UST: variants seen among roughly 807,000 people sequenced by gnomAD.
The protein encoded by UST is uronyl 2-sulfotransferase, also known as chondroitin sulfate 2-O-sulfotransferase.
In UST, 21 loss-of-function variants were observed where a neutral mutation model predicts 45.6. That is an observed-to-expected ratio of 0.46 (90% CI 0.33 to 0.66). The LOEUF is 0.66. Ranked by LOEUF, UST falls within the 30% of genes least tolerant of loss-of-function variation. The pLI is 0.02. For missense variants in UST, 463 were observed against 512.4 expected (o/e 0.90, Z 0.93); for synonymous variants, 215 against 200.6 (o/e 1.07, Z -0.61).
chr6:148,829,053 G>C (rs973557014), intron 1 of UST, among the ~76,000 whole-genome samples: 1 of 152,182 alleles, frequency 6.6e-6, no homozygotes, highest in African/African-American at 2.4e-5. Flanking sequence ...CTTGGAGTAA[G>C]AAGTGGAAAA....
intron 3 of UST, among the ~76,000 whole-genome samples, chr6:148,946,513 A>C (rs2114929542): frequency 7.2e-6 from 1 of 139,656 alleles, no homozygotes; most frequent in South Asian, 2.4e-4. Flanking sequence ...TCCATCTCAA[A>C]AAAAAAAAAA....
chr6:149,001,113 C>T (rs1321220891), intron 5 of UST, among the ~76,000 whole-genome samples: 6 of 150,732 alleles, frequency 4.0e-5, no homozygotes, highest in Admixed American at 6.6e-5. Flanking sequence ...GCTCTGTCAC[C>T]CAGGCTGGGG....
intron 5 of UST, among the ~76,000 whole-genome samples, chr6:148,996,435 T>C (rs1440862453): frequency 6.6e-6 from 1 of 152,196 alleles, no homozygotes; most frequent in East Asian, 1.9e-4. Flanking sequence ...GCCAAGCTGG[T>C]CTTGAACTCC....
intron 7 of UST, among the ~76,000 whole-genome samples, chr6:149,051,737 G>A (rs1776491087): frequency 6.6e-6 from 1 of 152,114 alleles, no homozygotes; most frequent in African/African-American, 2.4e-5. Flanking sequence ...CTATTGCAGT[G>A]GCGATGGGGG....
intron 5 of UST, among the ~76,000 whole-genome samples, chr6:149,013,132 G>A (rs555353928): frequency 9.9e-5 from 15 of 152,276 alleles, no homozygotes; most frequent in East Asian, 9.6e-4. Context: ...TCTCTCTGCC[G>A]TTCATGAAAG....
chr6:148,895,255 A>G (rs1263786330), intron 2 of UST, among the ~76,000 whole-genome samples: 1 of 151,978 alleles, frequency 6.6e-6, no homozygotes, highest in African/African-American at 2.4e-5. Flanking sequence ...AATTTCTTCT[A>G]TTTAAAATTC....
intron 1 of UST, among the ~76,000 whole-genome samples, chr6:148,859,151 T>C (rs1280923921): frequency 2.0e-5 from 3 of 152,112 alleles, no homozygotes; most frequent in Non-Finnish European, 2.9e-5. Flanking sequence ...CACATCCTCT[T>C]CAGCACCTGT....
At chr6:148,896,143 A>G (rs1779124852) in intron 2 of UST, among the ~76,000 whole-genome samples, 1 of 152,232 alleles carries the variant, frequency 6.6e-6, no homozygotes, top group Non-Finnish European at 1.5e-5. Context: ...TCTGGATCCA[A>G]AAGTCCCCAT....
chr6:149,023,875 C>T (rs1302686307), intron 7 of UST, among the ~76,000 whole-genome samples: 2 of 152,116 alleles, frequency 1.3e-5, no homozygotes, highest in African/African-American at 4.8e-5. Flanking sequence ...AAATTATGGG[C>T]CTTTATTCCG....
At chr6:148,767,327 G>C (rs1776341897) in intron 1 of UST, among the ~76,000 whole-genome samples, 1 of 152,170 alleles carries the variant, frequency 6.6e-6, no homozygotes, top group Admixed American at 6.5e-5. Flanking sequence ...ACCCTTGTAT[G>C]ATTTCAAGTT....
At chr6:149,017,247 G>A (rs1775914018) in intron 5 of UST, among the ~76,000 whole-genome samples, 1 of 151,976 alleles carries the variant, frequency 6.6e-6, no homozygotes, top group Admixed American at 6.6e-5. Context: ...TGTGGTGGCG[G>A]GCACCTGTAG....
rs563721034 is a variant in UST at position 149,057,724 on chromosome 6, A to G, written c.938-16109A>G. On this transcript the variant is annotated intron_variant, in intron 7 of 7. Coordinates refer to ENST00000367463, the MANE Select transcript of UST (RefSeq NM_005715.3). ...AAAATGTAATTGGTAATAATTAAAG[A>G]TATAGGAGAAATGGTCATGGTTAGT... Among the ~76,000 whole-genome samples, 4 of 152,348 alleles carry G rather than the reference A, an allele frequency of 2.6e-5. No homozygotes were observed. The South Asian group carries it at 8.3e-4, about 32-fold the overall frequency.
intron 2 of UST, among the ~76,000 whole-genome samples, chr6:148,908,261 G>A (rs182768751): frequency 2.8e-4 from 43 of 152,146 alleles, no homozygotes; most frequent in African/African-American, 8.7e-4. Context: ...GTAAAAATAG[G>A]CTCTCATTAC....
chr6:149,005,057 G>A (rs765069614), intron 5 of UST, among the ~76,000 whole-genome samples: 12 of 151,720 alleles, frequency 7.9e-5, no homozygotes, highest in Non-Finnish European at 1.5e-4. Flanking sequence ...CCAGGCTGGT[G>A]ATCAGATGTC....
At chr6:148,892,307 T>A (rs1040404270) in intron 2 of UST, among the ~76,000 whole-genome samples, 5 of 152,242 alleles carry the variant, frequency 3.3e-5, no homozygotes, top group Non-Finnish European at 7.3e-5. Flanking sequence ...CTGTCAGTTA[T>A]CTTCTTTTTG....
intron 2 of UST, among the ~76,000 whole-genome samples, chr6:148,902,645 C>G (rs1482839853): frequency 6.6e-6 from 1 of 152,114 alleles, no homozygotes; most frequent in African/African-American, 2.4e-5. Context: ...TCCCAAAGTG[C>G]TGGGATTGTA....
chr6:148,952,772 T>C lies in UST; in HGVS notation c.448-1100T>C, dbSNP rs570981612. On this transcript the variant is annotated intron_variant, in intron 3 of 7. Coordinates refer to ENST00000367463, the MANE Select transcript of UST (RefSeq NM_005715.3). ...GAACTATTTCATAAAACATGAAATG[T>C]TGCACTTCTGACATTCATCCAAAGT... is the stretch of plus-strand genomic sequence containing the variant. 2.6e-5 allele frequency among the ~76,000 whole-genome samples: 4 copies of C among 152,336 alleles called. No individual in the cohort carries two copies. In the East Asian group the frequency reaches 7.7e-4, roughly 29 times the overall value.
rs745914052 is a variant in UST, at chr6:148,747,689, G to A, written c.247+12G>A. 1 of 1,585,228 alleles carries A rather than the reference G, an allele frequency of 6.3e-7. No homozygotes were observed. The highest frequency in any genetic ancestry group is 8.6e-7 in the Non-Finnish European group (1 of 1,167,320). ...GCGGCAGTACTTGGGTAAGGAAGCT[G>A]GGCAGGCGCTAGGGCGGCGCCGACA... On this transcript the variant is annotated intron_variant, in intron 1 of 7. Transcript: ENST00000367463.
chr6:149,029,464 AT>A (rs1290000156), intron 7 of UST, among the ~76,000 whole-genome samples: 24 of 144,864 alleles, frequency 1.7e-4, no homozygotes, highest in Non-Finnish European at 2.8e-4. Flanking sequence ...TACATTATAT[AT>A]TATATATATA....
Sources: allele counts gnomAD v4.1 joint callset (sites outside exome capture counted in the v4.1 genomes callset), GRCh38; gene constraint gnomAD v4.1.1; transcripts MANE v1.5; gene names NCBI Gene and HGNC (gene_info 2026-07-23, HGNC 2026-07-21).